PTPRG: variants seen among roughly 807,000 people sequenced by gnomAD.
PTPRG encodes the protein protein tyrosine phosphatase receptor type G, also known as receptor-type tyrosine-protein phosphatase gamma.
PTPRG carries 102 observed loss-of-function variants against 165.3 expected under a neutral mutation model. That is an observed-to-expected ratio of 0.62 (90% CI 0.53 to 0.73). The LOEUF is 0.73. Among genes scored for constraint, PTPRG ranks in the 30% least tolerant of loss-of-function variants. The pLI is 0.00. For missense variants in PTPRG, 1,866 were observed against 1,861.4 expected (o/e 1.00, Z -0.05); for synonymous variants, 675 against 669.5 (o/e 1.01, Z -0.13).
intron 20 of PTPRG, among the ~76,000 whole-genome samples, chr3:62,269,746 C>G (rs541811900): frequency 6.6e-6 from 1 of 152,200 alleles, no homozygotes; most frequent in South Asian, 2.1e-4. Context: ...TTCAGGTTAT[C>G]TCAGTTTCTT....
At chr3:61,875,858 T>A (rs2037725692) in intron 2 of PTPRG, among the ~76,000 whole-genome samples, 1 of 152,152 alleles carries the variant, frequency 6.6e-6, no homozygotes, top group Admixed American at 6.5e-5. Flanking sequence ...TCCGTTTCAT[T>A]TTTGACCCAC....
chr3:62,003,395 A>G lies in PTPRG; in HGVS notation c.417A>G (p.Leu139=), dbSNP rs1474978049. 2 of 1,614,066 alleles carry G rather than the reference A, an allele frequency of 1.2e-6. No homozygotes were observed. Among genetic ancestry groups the G allele is most frequent in the Non-Finnish European group, 1.7e-6 (2 of 1,179,946 alleles). ...ACTATTTTGTCAGTGGAGCTGGTCTACCTGGCAGATTCAAAGCTGAGAAGG... is the reference window on the plus strand; with the variant it reads ...ACTATTTTGTCAGTGGAGCTGGTCTGCCTGGCAGATTCAAAGCTGAGAAGG... ...KDDYFVSGAG[L]PGRFKAEKVE... The change falls in exon 4 of 30, where the codon CTA becomes CTG. Residue 139 remains leucine, a synonymous_variant. Coordinates refer to ENST00000474889, the MANE Select transcript of PTPRG (RefSeq NM_002841.4).
At chr3:61,628,268 C>T (rs1016048408) in intron 1 of PTPRG, among the ~76,000 whole-genome samples, 1 of 152,066 alleles carries the variant, frequency 6.6e-6, no homozygotes, top group South Asian at 2.1e-4. Flanking sequence ...TAATTTTTCT[C>T]TTTTCTAGCA....
intron 2 of PTPRG, among the ~76,000 whole-genome samples, chr3:61,943,003 C>T (rs899965131): frequency 6.6e-6 from 1 of 152,184 alleles, no homozygotes; most frequent in African/African-American, 2.4e-5. Flanking sequence ...GGGTGCAGAT[C>T]TCCTTGCCAG....
intron 4 of PTPRG, among the ~76,000 whole-genome samples, chr3:62,039,700 A>T (rs1700064631): frequency 6.6e-6 from 1 of 152,166 alleles, no homozygotes; most frequent in Non-Finnish European, 1.5e-5. Flanking sequence ...TTAAGAATGC[A>T]TTTGGGGTGA....
chr3:61,857,844 A>G (rs139268170), intron 2 of PTPRG, among the ~76,000 whole-genome samples: 6 of 152,240 alleles, frequency 3.9e-5, no homozygotes, highest in South Asian at 2.1e-4. Flanking sequence ...AAATTGGGCT[A>G]TCACAGTCTC....
At chr3:62,293,024 GT>G in intron 29 of PTPRG, 136 bp from the exon 30 acceptor site, 1 of 705,624 alleles carries the variant, frequency 1.4e-6, no homozygotes, top group Non-Finnish European at 2.2e-6. Flanking sequence ...TTTTTTTTTA[GT>G]TTTTTTAGAT....
In PTPRG at chr3:61,734,284, C is replaced by A. The variant is rs1026580277; in HGVS notation, c.86-14594C>A. Among the ~76,000 whole-genome samples, 5 of 152,064 alleles carry A rather than the reference C, an allele frequency of 3.3e-5. No individual in the cohort carries two copies. In the East Asian group the frequency reaches 5.8e-4, roughly 18 times the overall value. ...AATCTGCAGGCTTTTTTCTCTCCTA[C>A]TTTTTGGTTCCATTATGTTAAATAT... On this transcript the variant is annotated intron_variant, in intron 1 of 29. Coordinates refer to ENST00000474889, the MANE Select transcript of PTPRG (RefSeq NM_002841.4).
intron 2 of PTPRG, among the ~76,000 whole-genome samples, chr3:61,753,267 T>G (rs1332924647): frequency 6.6e-6 from 1 of 152,226 alleles, no homozygotes; most frequent in African/African-American, 2.4e-5. Context: ...TATCTTTGGA[T>G]TTCTTTTTCC....
chr3:62,016,379 G>A (rs1022725783), intron 4 of PTPRG, among the ~76,000 whole-genome samples: 3 of 152,012 alleles, frequency 2.0e-5, no homozygotes, highest in Non-Finnish European at 2.9e-5. Context: ...TGTTGGCCAG[G>A]CTGGTCTCGA....
At chr3:61,846,140 T>C (rs2036799568) in intron 2 of PTPRG, among the ~76,000 whole-genome samples, 1 of 152,242 alleles carries the variant, frequency 6.6e-6, no homozygotes, top group African/African-American at 2.4e-5. Context: ...AAGCACTCAC[T>C]ACGGTGTCTA....
chr3:61,627,064 T>C (rs576919288), intron 1 of PTPRG, among the ~76,000 whole-genome samples: 1 of 151,616 alleles, frequency 6.6e-6, no homozygotes, highest in South Asian at 2.1e-4. Context: ...AAATGCAGTG[T>C]GTGGACTTTG....
At chr3:62,181,119 G>A (rs991448801) in intron 8 of PTPRG, among the ~76,000 whole-genome samples, 3 of 152,188 alleles carry the variant, frequency 2.0e-5, no homozygotes, top group African/African-American at 2.4e-5. Context: ...AGAAAAGTCC[G>A]CAGGTAACAG....
At chr3:61,621,873 T>TA (rs1362857097) in intron 1 of PTPRG, among the ~76,000 whole-genome samples, 1 of 152,194 alleles carries the variant, frequency 6.6e-6, no homozygotes, top group African/African-American at 2.4e-5. Context: ...TATGTGGTTC[T>TA]CTGTAGAATT....
At chr3:61,909,486 A>G (rs565489589) in intron 2 of PTPRG, among the ~76,000 whole-genome samples, 3 of 152,228 alleles carry the variant, frequency 2.0e-5, no homozygotes, top group Admixed American at 1.3e-4. Flanking sequence ...GTTAGCCAGG[A>G]CCACAGGTGC....
intron 1 of PTPRG, among the ~76,000 whole-genome samples, chr3:61,688,872 C>T (rs2029959834): frequency 1.3e-5 from 2 of 152,208 alleles, no homozygotes; most frequent in Admixed American, 1.3e-4. Flanking sequence ...TTGACCTTGG[C>T]TGACTTGCCA....
intron 5 of PTPRG, among the ~76,000 whole-genome samples, chr3:62,112,562 G>T (rs1702710285): frequency 6.6e-6 from 1 of 152,212 alleles, no homozygotes; most frequent in Non-Finnish European, 1.5e-5. Context: ...ATAGTGAATG[G>T]TCCTTTATAA....
intron 2 of PTPRG, chr3:61,925,944 C>A: frequency 2.1e-6 from 1 of 481,218 alleles, no homozygotes; most frequent in Non-Finnish European, 4.2e-6. Flanking sequence ...GAGCTCCTGG[C>A]TATTCCTAGC....
chr3:61,692,471 T>G (rs548085999), intron 1 of PTPRG, among the ~76,000 whole-genome samples: 2 of 152,230 alleles, frequency 1.3e-5, no homozygotes, highest in African/African-American at 4.8e-5. Context: ...GTTTGGAAAT[T>G]TTCATGCGCG....
Sources: gnomAD v4.1 joint callset for allele counts (sites outside exome capture counted in the v4.1 genomes callset) on GRCh38, gnomAD v4.1.1 for gene constraint, MANE v1.5 for transcripts, NCBI Gene and HGNC (gene_info 2026-07-23, HGNC 2026-07-21) for gene names.